RALA: variants seen among roughly 807,000 people sequenced by gnomAD.
The protein encoded by RALA is ras-related protein Ral-A.
A neutral mutation model predicts 24.0 loss-of-function variants in RALA; 5 were observed. That is an observed-to-expected ratio of 0.21 (90% confidence interval 0.11 to 0.44). The LOEUF is 0.44. RALA is among the 20% of genes least tolerant of loss of function. The pLI, the probability that RALA is intolerant of heterozygous loss-of-function variation, is 0.99. For missense variants in RALA, 95 were observed against 241.2 expected (o/e 0.39, Z 4.01); for synonymous variants, 77 against 83.8 (o/e 0.92, Z 0.44).
chr7:39,693,940 C>G (rs914819232), intron 3 of RALA, among the ~76,000 whole-genome samples: 1 of 152,178 alleles, frequency 6.6e-6, no homozygotes, highest in African/African-American at 2.4e-5. Context: ...AGTTCAGGTC[C>G]AAAGAACTTC....
intron 1 of RALA, among the ~76,000 whole-genome samples, chr7:39,651,189 T>G (rs1792013729): frequency 6.6e-6 from 1 of 152,268 alleles, no homozygotes; most frequent in South Asian, 2.1e-4. Context: ...TAGTTGATTT[T>G]GCCCAACTGT....
intron 1 of RALA, among the ~76,000 whole-genome samples, chr7:39,671,882 G>A (rs1463933026): frequency 4.6e-5 from 7 of 152,156 alleles, no homozygotes; most frequent in Non-Finnish European, 1.0e-4. Context: ...TTCTTTGAAT[G>A]TTGTTCCTAC....
At chr7:39,635,255 G>T (rs1405936848) in intron 1 of RALA, among the ~76,000 whole-genome samples, 1 of 152,134 alleles carries the variant, frequency 6.6e-6, no homozygotes, top group African/African-American at 2.4e-5. Flanking sequence ...CCTGTCTGTA[G>T]TCCTAGCTAC....
At chr7:39,693,205 T>C (rs1348687575) in intron 3 of RALA, among the ~76,000 whole-genome samples, 2 of 152,152 alleles carry the variant, frequency 1.3e-5, no homozygotes, top group African/African-American at 2.4e-5. Flanking sequence ...TAAGAAAATA[T>C]GGCACATATA....
intron 3 of RALA, among the ~76,000 whole-genome samples, chr7:39,691,676 G>A (rs1355168298): frequency 1.3e-5 from 2 of 152,190 alleles, no homozygotes; most frequent in Admixed American, 6.5e-5. Context: ...TTCTAAGAGA[G>A]CATTCTTTGC....
chr7:39,628,680 C>T (rs899385318), intron 1 of RALA, among the ~76,000 whole-genome samples: 2 of 152,128 alleles, frequency 1.3e-5, no homozygotes, highest in African/African-American at 2.4e-5. Flanking sequence ...CTCAGCCTCC[C>T]GAGTAGCTGG....
intron 4 of RALA, among the ~76,000 whole-genome samples, chr7:39,702,740 T>A (rs77946796): frequency 0.1 from 15,480 of 152,186 alleles, 1,050 homozygotes; most frequent in Non-Finnish European, 0.15. Flanking sequence ...GACAATTAAG[T>A]GAAATAAGCC....
At chr7:39,627,430 T>C (rs1485515636) in intron 1 of RALA, among the ~76,000 whole-genome samples, 2 of 152,214 alleles carry the variant, frequency 1.3e-5, no homozygotes, top group Non-Finnish European at 2.9e-5. Context: ...TTAGATGCAA[T>C]AGATGTAACA....
chr7:39,674,062 T>A (rs980051189), intron 1 of RALA, among the ~76,000 whole-genome samples: 4 of 150,512 alleles, frequency 2.7e-5, no homozygotes, highest in African/African-American at 9.8e-5. Context: ...AATAAATAAA[T>A]AAATAAATAA....
At chr7:39,684,718 AAAAAAAAAAAG>A (rs1199144786) in intron 1 of RALA, among the ~76,000 whole-genome samples, 1 of 151,750 alleles carries the variant, frequency 6.6e-6, no homozygotes, top group East Asian at 1.9e-4. Flanking sequence ...GAGCTAAAAA[AAAAAAAAAAAG>A]AAAAAAAAAA....
Position 39,646,980 on chromosome 7 carries a change from G to C in RALA, c.-38+23155G>C, listed in dbSNP as rs1359200294. On this transcript the variant is annotated intron_variant, in intron 1 of 4. Coordinates refer to ENST00000005257, the MANE Select transcript of RALA (RefSeq NM_005402.4). ...TTAATAGTATATAAATGTTGTGTTGGCACTAAACCATTGTTTAGTGAGATC... is the reference window on the plus strand; with the variant it reads ...TTAATAGTATATAAATGTTGTGTTGCCACTAAACCATTGTTTAGTGAGATC... 3.3e-5 allele frequency among the ~76,000 whole-genome samples: 5 copies of C among 152,244 alleles called. No individual in the cohort carries two copies. The East Asian group carries it at 9.6e-4, about 29-fold the overall frequency.
intron 1 of RALA, among the ~76,000 whole-genome samples, chr7:39,639,774 G>A (rs2115938036): frequency 6.6e-6 from 1 of 152,132 alleles, no homozygotes. Flanking sequence ...AGCAACTCAG[G>A]GAACCAGGCT....
intron 1 of RALA, among the ~76,000 whole-genome samples, chr7:39,685,547 A>AT (rs766501863): frequency 2.0e-4 from 30 of 152,050 alleles, no homozygotes; most frequent in South Asian, 8.3e-4. Context: ...GCCTCACAGG[A>AT]TTTTTTCTAA....
At chr7:39,666,967 G>GA (rs1307127000) in intron 1 of RALA, among the ~76,000 whole-genome samples, 1 of 152,048 alleles carries the variant, frequency 6.6e-6, no homozygotes, top group Non-Finnish European at 1.5e-5. Flanking sequence ...CATTTTTGGG[G>GA]AAAAAAATCA....
chr7:39,649,445 G>A (rs758895301), intron 1 of RALA, among the ~76,000 whole-genome samples: 6 of 152,158 alleles, frequency 3.9e-5, no homozygotes, highest in Admixed American at 1.3e-4. Flanking sequence ...ATTAGTTCAC[G>A]AGCGCAGAGT....
intron 4 of RALA, 110 bp downstream of exon 4, chr7:39,696,969 C>A: frequency 9.2e-7 from 1 of 1,083,170 alleles, no homozygotes; most frequent in Non-Finnish European, 1.3e-6. Context: ...AGGTTTAATC[C>A]TTGTTGATTT....
At chr7:39,630,361 A>T (rs1390088640) in intron 1 of RALA, among the ~76,000 whole-genome samples, 1 of 151,894 alleles carries the variant, frequency 6.6e-6, no homozygotes, top group Non-Finnish European at 1.5e-5. Context: ...CAATTTGCCC[A>T]TTTTCTATAC....
chr7:39,625,058 A>G (rs768050395), intron 1 of RALA, among the ~76,000 whole-genome samples: 1 of 152,240 alleles, frequency 6.6e-6, no homozygotes, highest in Non-Finnish European at 1.5e-5. Context: ...GCCATGTCCT[A>G]CTTATGACTG....
chr7:39,689,717 G>A (rs1265717706), intron 2 of RALA, among the ~76,000 whole-genome samples: 1 of 152,194 alleles, frequency 6.6e-6, no homozygotes, highest in Non-Finnish European at 1.5e-5. Flanking sequence ...AGGAGTTCAA[G>A]ACCAGCCTGG....
Sources: allele counts gnomAD v4.1 joint callset (sites outside exome capture counted in the v4.1 genomes callset), GRCh38; gene constraint gnomAD v4.1.1; transcripts MANE v1.5; gene names NCBI Gene and HGNC (gene_info 2026-07-23, HGNC 2026-07-21).